PIGB: variants seen among roughly 807,000 people sequenced by gnomAD.
The protein encoded by PIGB is phosphatidylinositol glycan anchor biosynthesis class B.
Under a neutral mutation model 68.4 loss-of-function variants are expected in PIGB, and 58 were observed. The observed-to-expected ratio is 0.85, with a 90% confidence interval of 0.69 to 1.06. The LOEUF (loss-of-function observed/expected upper bound fraction) is 1.06, where lower values mean the gene tolerates loss of function less well. Ranked by LOEUF, PIGB falls within the 50% of genes least tolerant of loss-of-function variation. PIGB has a pLI of 0.00. For missense variants in PIGB, 634 were observed against 655.8 expected (o/e 0.97, Z 0.36); for synonymous variants, 219 against 220.5 (o/e 0.99, Z 0.06).
Position 55,354,978 on chromosome 15 carries a change from G to A in PIGB, c.1518G>A (p.Glu506=), listed in dbSNP as rs1335092124. The change falls in exon 11 of 12, where the codon GAG becomes GAA. Residue 506 remains glutamate (E), a splice_region_variant and synonymous_variant. Transcript: ENST00000164305. ...THLITFSILE[E]EISAFLISSN... ...TGATCACCTTCAGCATTTTGGAAGA[G>A]GTAAGTAAACATGAAAAAGAGGAAA... 4 of 1,605,190 alleles carry A rather than the reference G, an allele frequency of 2.5e-6. No homozygotes were observed. The highest frequency in any genetic ancestry group is 2.2e-5 in the South Asian group (2 of 89,026).
intron 10 of PIGB, among the ~76,000 whole-genome samples, chr15:55,351,334 C>G (rs920915607): frequency 7.9e-5 from 12 of 151,766 alleles, no homozygotes; most frequent in Non-Finnish European, 1.3e-4. Context: ...GTCTCGATCT[C>G]CTGACCTCGT....
intron 9 of PIGB, among the ~76,000 whole-genome samples, chr15:55,347,119 T>C (rs57412310): frequency 0.18 from 27,716 of 152,256 alleles, 4,423 homozygotes; most frequent in African/African-American, 0.44. Flanking sequence ...GTAATGCTTA[T>C]AGGATGCTAA....
chr15:55,340,413 G>A (rs997673497), intron 7 of PIGB, 199 bp from the exon 8 acceptor site: 29 of 292,814 alleles, frequency 9.9e-5, no homozygotes, highest in African/African-American at 6.3e-4. Context: ...CCGAGATCGC[G>A]CCACTGCACT....
intron 10 of PIGB, chr15:55,354,480 T>C (rs557830254): frequency 4.7e-4 from 111 of 233,900 alleles, no homozygotes; most frequent in Non-Finnish European, 7.5e-4. Flanking sequence ...CTGAGGACCA[T>C]TTATGTTTCC....
rs558056981 is a variant in PIGB, at chr15:55,332,624, C to T, written c.654-1243C>T. ...CTGACTTCAGGTGATCCACCCACCT[C>T]GGCCTCCCAAAGTGCTGGGATTGCA... is the stretch of plus-strand genomic sequence containing the variant. On this transcript the variant is annotated intron_variant, in intron 5 of 11. Coordinates refer to ENST00000164305, the MANE Select transcript of PIGB (RefSeq NM_004855.5). Among the ~76,000 whole-genome samples, 6 of 152,222 alleles carry T rather than the reference C, an allele frequency of 3.9e-5. No individual in the cohort carries two copies. In the East Asian group the frequency reaches 5.8e-4, roughly 15 times the overall value.
At chr15:55,337,183 A>G (rs375088442) in intron 6 of PIGB, among the ~76,000 whole-genome samples, 21 of 152,358 alleles carry the variant, frequency 1.4e-4, no homozygotes, top group African/African-American at 5.0e-4. Context: ...AAATACTACT[A>G]TACTATACAT....
chr15:55,341,595 T>C (rs1380721999), intron 8 of PIGB, 143 bp from the exon 9 acceptor site: 1 of 302,018 alleles, frequency 3.3e-6, no homozygotes, highest in Admixed American at 4.9e-5. Context: ...ATAAGATGAA[T>C]TTCTGAAGCA....
chr15:55,333,621 A>G (rs1240588544), intron 5 of PIGB, among the ~76,000 whole-genome samples: 1 of 152,136 alleles, frequency 6.6e-6, no homozygotes, highest in Non-Finnish European at 1.5e-5. Flanking sequence ...AATCCCAGCT[A>G]CTCGGGATGC....
At chr15:55,345,216 T>G (rs2055765180) in intron 9 of PIGB, among the ~76,000 whole-genome samples, 1 of 152,052 alleles carries the variant, frequency 6.6e-6, no homozygotes, top group Admixed American at 6.6e-5. Context: ...TTATCAAAAT[T>G]GCATATGTAC....
rs1156494877 is a variant in PIGB, at chr15:55,341,822, A to G, written c.1123+20A>G. 6 of 1,168,270 alleles carry G rather than the reference A, an allele frequency of 5.1e-6. No homozygotes were observed. Among genetic ancestry groups the G allele is most frequent in the Admixed American group, 2.9e-5 (1 of 35,084 alleles). The allele number at this position is 1,168,270 out of a possible 1,614,324, so 72.4% of individuals were successfully genotyped here. On this transcript the variant is annotated intron_variant, in intron 9 of 11. Transcript: ENST00000164305. ...TCTGTGGTAAGTGCTTTTGTTTGTT[A>G]TAGAAAATAAATTATATAGAAATAG...
At chr15:55,342,212 T>C (rs1392966757) in intron 9 of PIGB, among the ~76,000 whole-genome samples, 1 of 152,208 alleles carries the variant, frequency 6.6e-6, no homozygotes, top group Non-Finnish European at 1.5e-5. Flanking sequence ...GTGGTGTTTC[T>C]CACTAAAAAG....
At chr15:55,325,781 T>C (rs1160137697) in intron 3 of PIGB, among the ~76,000 whole-genome samples, 1 of 151,846 alleles carries the variant, frequency 6.6e-6, no homozygotes, top group Non-Finnish European at 1.5e-5. Flanking sequence ...CCAGGCGTGG[T>C]GGCATGCATC....
intron 7 of PIGB, among the ~76,000 whole-genome samples, chr15:55,339,587 C>A (rs1442986464): frequency 6.6e-6 from 1 of 152,206 alleles, no homozygotes; most frequent in African/African-American, 2.4e-5. Flanking sequence ...TTATTGTCAG[C>A]TTTACGCTGT....
At chr15:55,321,466 C>G (rs1204815283) in intron 3 of PIGB, 76 bp downstream of exon 3, 2 of 1,232,226 alleles carry the variant, frequency 1.6e-6, no homozygotes. Context: ...TTGCTGAAGT[C>G]CAGCCATATC....
intron 6 of PIGB, among the ~76,000 whole-genome samples, chr15:55,336,826 A>G (rs1275128651): frequency 6.6e-6 from 1 of 152,204 alleles, no homozygotes; most frequent in Non-Finnish European, 1.5e-5. Flanking sequence ...TGTCTCTGCT[A>G]AAAATACAAA....
At chr15:55,344,488 C>G (rs2055745074) in intron 9 of PIGB, among the ~76,000 whole-genome samples, 1 of 152,198 alleles carries the variant, frequency 6.6e-6, no homozygotes, top group Admixed American at 6.5e-5. Context: ...CTGGGCCAGG[C>G]CAGATTCAAG....
Position 55,341,801 on chromosome 15 carries a change from T to C in PIGB, c.1122T>C (p.Cys374=), listed in dbSNP as rs189281555. 1 of 1,405,234 alleles carries C rather than the reference T, an allele frequency of 7.1e-7. No homozygotes were observed. The highest frequency in any genetic ancestry group is 2.6e-5 in the East Asian group (1 of 38,186). 87.0% of individuals were successfully genotyped at this position (1,405,234 alleles called of 1,614,324 possible). The change falls in exon 9 of 12, where the codon TGT becomes TGC. Residue 374 remains cysteine, a splice_region_variant and synonymous_variant. Coordinates refer to ENST00000164305, the MANE Select transcript of PIGB (RefSeq NM_004855.5). ...YPVLPFCMVF[C]GYSLTHLKTW... Reference sequence around the variant, plus strand: ...TTTTACCATTCTGTATGGTGTTCTGTGGTAAGTGCTTTTGTTTGTTATAGA... The same window carrying C: ...TTTTACCATTCTGTATGGTGTTCTGCGGTAAGTGCTTTTGTTTGTTATAGA...
chr15:55,354,906 C>G lies in PIGB; in HGVS notation c.1446C>G (p.Asn482Lys), dbSNP rs757038412. Residue 482 changes from asparagine to lysine, a missense_variant, in exon 11 of 12, where the codon AAC (asparagine) becomes AAG (lysine). Asn to Lys is a moderately conservative substitution (Grantham distance 94, BLOSUM62 0). Coordinates refer to ENST00000164305, the MANE Select transcript of PIGB (RefSeq NM_004855.5). ...ATGTATTTTACCTAAATCCCTTAAA[C>G]TGGTTACATAGAGAGTTTCATGATG... The part of the protein sequence containing the change: ...EADVFYLNPL[N>K]WLHREFHDDA... The G allele has an allele frequency of 3.3e-5, 53 of 1,613,274 alleles. No homozygotes were observed. The highest frequency in any genetic ancestry group is 4.5e-5 in the Non-Finnish European group (53 of 1,179,558).
At chr15:55,340,494 T>C (rs1659615234) in intron 7 of PIGB, 118 bp from the exon 8 acceptor site, 3 of 608,196 alleles carry the variant, frequency 4.9e-6, no homozygotes, top group Non-Finnish European at 8.4e-6. Flanking sequence ...TGTAAACTAT[T>C]GCCTGGTTTT....
Sources: gnomAD v4.1 joint callset for allele counts (sites outside exome capture counted in the v4.1 genomes callset) on GRCh38, gnomAD v4.1.1 for gene constraint, MANE v1.5 for transcripts, NCBI Gene and HGNC (gene_info 2026-07-23, HGNC 2026-07-21) for gene names.